The following MGST1 variants were observed in gnomAD, a reference collection of about 807,000 sequenced individuals.
MGST1 encodes microsomal glutathione S-transferase 1.
Under a neutral mutation model 8.9 loss-of-function variants are expected in MGST1, and 5 were observed. That is an observed-to-expected ratio of 0.56 (90% confidence interval 0.29 to 1.19). MGST1 has a LOEUF of 1.19. MGST1 is among the 50% of genes most tolerant of loss of function. The pLI is 0.08. For synonymous variants in MGST1, 54 were observed against 67.8 expected (o/e 0.80, Z 1.00); for missense variants, 182 against 187.4 (o/e 0.97, Z 0.17).
chr12:16,463,529 T>C (rs939176369), intron 4 of MGST1, among the ~76,000 whole-genome samples: 3 of 151,774 alleles, frequency 2.0e-5, no homozygotes, highest in Non-Finnish European at 4.4e-5. Context: ...TAAAACACCA[T>C]GGCACACGTT....
intron 1 of MGST1, among the ~76,000 whole-genome samples, chr12:16,390,392 C>G (rs1426969582): frequency 6.6e-6 from 1 of 152,090 alleles, no homozygotes; most frequent in African/African-American, 2.4e-5. Flanking sequence ...ATTTTGTCAC[C>G]CAGGCACTAA....
intron 4 of MGST1, among the ~76,000 whole-genome samples, chr12:16,449,792 T>TCCATTCTC (rs1941115003): frequency 6.6e-6 from 1 of 151,938 alleles, no homozygotes; most frequent in Non-Finnish European, 1.5e-5. Context: ...CCCCCATTCT[T>TCCATTCTC]CCATTCTCCC....
intron 4 of MGST1, among the ~76,000 whole-genome samples, chr12:16,566,930 A>G (rs1264678071): frequency 6.6e-6 from 1 of 152,210 alleles, no homozygotes; most frequent in Non-Finnish European, 1.5e-5. Flanking sequence ...CCAAAAGCCC[A>G]TGCTACATAG....
At chr12:16,574,443 A>G (rs562008529) in intron 4 of MGST1, among the ~76,000 whole-genome samples, 4 of 152,154 alleles carry the variant, frequency 2.6e-5, no homozygotes, top group East Asian at 1.9e-4. Context: ...CTCCTGTGAC[A>G]GATGGCATAA....
chr12:16,530,611 T>G (rs1591753254), intron 4 of MGST1, among the ~76,000 whole-genome samples: 1 of 152,110 alleles, frequency 6.6e-6, no homozygotes, highest in East Asian at 1.9e-4. Flanking sequence ...GGTGAAGGCA[T>G]GGTAAACATG....
At position 16,413,343 on chromosome 12, in the gene MGST1, G is replaced by A. The variant is rs920697029; in HGVS notation, n.779-24045G>A. On this transcript the variant is annotated intron_variant and non_coding_transcript_variant, in intron 1 of 1. Coordinates refer to the MGST1 transcript ENST00000359720. The surrounding 1 kb of genome is among the most constrained non-coding windows in gnomAD (Gnocchi z 4.0). Reference sequence around the variant, plus strand: ...GTCTTACAGACACAACTGCCTGCATGTCCATGAATCCTGCAGCAAAAAAGA... The same window carrying A: ...GTCTTACAGACACAACTGCCTGCATATCCATGAATCCTGCAGCAAAAAAGA... Among the ~76,000 whole-genome samples the A allele has an allele frequency of 1.3e-5, 2 of 152,180 alleles. No homozygotes were observed. The highest frequency in any genetic ancestry group is 4.8e-5 in the African/African-American group (2 of 41,434).
At chr12:16,541,929 T>C (rs1416037736) in intron 4 of MGST1, among the ~76,000 whole-genome samples, 1 of 152,166 alleles carries the variant, frequency 6.6e-6, no homozygotes, top group African/African-American at 2.4e-5. Flanking sequence ...AAGTCAGTCA[T>C]GGTGACAAGA....
intron 4 of MGST1, among the ~76,000 whole-genome samples, chr12:16,483,465 G>A (rs1242231710): frequency 6.6e-6 from 1 of 151,740 alleles, no homozygotes; most frequent in African/African-American, 2.4e-5. Flanking sequence ...AAACAAACAA[G>A]GCAAATAGAG....
At chr12:16,424,069 A>T (rs1940864731) in intron 1 of MGST1, among the ~76,000 whole-genome samples, 2 of 152,248 alleles carry the variant, frequency 1.3e-5, no homozygotes, top group African/African-American at 4.8e-5. Flanking sequence ...TCTCTCTGCA[A>T]CTAGACTGTG....
intron 4 of MGST1, among the ~76,000 whole-genome samples, chr12:16,577,172 T>C (rs1286072387): frequency 6.6e-6 from 1 of 152,162 alleles, no homozygotes; most frequent in East Asian, 1.9e-4. Context: ...CATTACCCCA[T>C]TACTCTAAAG....
intron 4 of MGST1, among the ~76,000 whole-genome samples, chr12:16,456,528 A>G (rs907297181): frequency 6.6e-6 from 1 of 151,978 alleles, no homozygotes; most frequent in African/African-American, 2.4e-5. Flanking sequence ...CTGAATTAAA[A>G]GTTAGATAGG....
chr12:16,522,952 A>T (rs1941658136), intron 4 of MGST1, among the ~76,000 whole-genome samples: 1 of 152,092 alleles, frequency 6.6e-6, no homozygotes, highest in African/African-American at 2.4e-5. Context: ...ATTAAATGTT[A>T]GTCATTCTAT....
In MGST1 at chr12:16,587,986, G is replaced by C. The variant is rs1237506892; in HGVS notation, n.483-1542G>C. On this transcript the variant is annotated intron_variant and non_coding_transcript_variant, in intron 4 of 4. Transcript: ENST00000538857. The surrounding 1 kb of genome is among the most constrained non-coding windows in gnomAD (Gnocchi z 4.3). ...ATGCTTAAAAAGTCCCTTTCTTTCA[G>C]ATAATTACCCTGTCTTTCTCTTACG... 2.0e-5 allele frequency among the ~76,000 whole-genome samples: 3 copies of C among 152,052 alleles called. No homozygotes were observed. The highest frequency in any genetic ancestry group is 7.2e-5 in the African/African-American group (3 of 41,434).
chr12:16,477,507 A>G (rs1271746850), intron 4 of MGST1, among the ~76,000 whole-genome samples: 1 of 152,218 alleles, frequency 6.6e-6, no homozygotes, highest in Non-Finnish European at 1.5e-5. Context: ...AGATTAATAC[A>G]AATGAGTTTC....
chr12:16,378,989 A>G (rs988995487), downstream of MGST1, among the ~76,000 whole-genome samples: 6 of 152,082 alleles, frequency 3.9e-5, no homozygotes, highest in Non-Finnish European at 8.8e-5. Context: ...ATTTTTGCAC[A>G]TTGATTTTGT....
intron 2 of MGST1, 146 bp downstream of exon 2, chr12:16,354,524 G>C (rs1939622924): frequency 1.6e-6 from 1 of 639,412 alleles, no homozygotes; most frequent in Non-Finnish European, 2.5e-6. Context: ...GTTTGGCACA[G>C]ATGGATCTGA....
intron 1 of MGST1, among the ~76,000 whole-genome samples, chr12:16,407,913 T>C (rs1355827771): frequency 6.6e-6 from 1 of 151,320 alleles, no homozygotes; most frequent in Non-Finnish European, 1.5e-5. Flanking sequence ...TTGCCTGTAG[T>C]CCCAGCTATT....
intron 4 of MGST1, among the ~76,000 whole-genome samples, chr12:16,525,574 T>C (rs1014698996): frequency 1.4e-5 from 2 of 143,758 alleles, no homozygotes; most frequent in African/African-American, 5.2e-5. Context: ...TCCAAGTCTT[T>C]GCTATTGTGA....
intron 4 of MGST1, among the ~76,000 whole-genome samples, chr12:16,476,339 C>T (rs1338537736): frequency 6.6e-6 from 1 of 152,068 alleles, no homozygotes; most frequent in Admixed American, 6.6e-5. Context: ...TTTAAACTTA[C>T]ATTACTACAA....
Sources: allele counts gnomAD v4.1 joint callset (sites outside exome capture counted in the v4.1 genomes callset), GRCh38; gene constraint gnomAD v4.1.1; non-coding constraint Gnocchi (gnomAD v3.1); transcripts MANE v1.5; gene names NCBI Gene and HGNC (gene_info 2026-07-23, HGNC 2026-07-21).